Variants in PTTG1 observed in about 807,000 individuals in gnomAD.
PTTG1 encodes securin.
A neutral mutation model predicts 20.0 loss-of-function variants in PTTG1; 8 were observed. The observed-to-expected ratio is 0.40, with a 90% CI of 0.23 to 0.72. PTTG1 has a LOEUF of 0.72. Among genes scored for constraint, PTTG1 ranks in the 30% least tolerant of loss-of-function variants. PTTG1 has a pLI of 0.38. For missense variants in PTTG1, 197 were observed against 236.0 expected (o/e 0.83, Z 1.08); for synonymous variants, 79 against 87.2 (o/e 0.91, Z 0.52).
At chr5:160,423,723 G>A (rs1765759503) in intron 3 of PTTG1, among the ~76,000 whole-genome samples, 1 of 152,196 alleles carries the variant, frequency 6.6e-6, no homozygotes, top group African/African-American at 2.4e-5. Flanking sequence ...ATAGTAGACT[G>A]TAGTAGACCT....
intron 1 of PTTG1, 118 bp downstream of exon 1, chr5:160,422,009 T>G (rs977444380): frequency 2.4e-5 from 6 of 250,904 alleles, no homozygotes; most frequent in Admixed American, 2.0e-4. Context: ...TGCCCGGGGC[T>G]TAGATGGCTC....
At position 160,427,827 on chromosome 5, in the gene PTTG1, G is replaced by C; in HGVS notation, c.483G>C (p.Leu161=). ...EERELEKLFQ[L]GPPSPVKMPS... is the part of the protein sequence containing the mutation. ...GAGAGCTTGAAAAGCTGTTTCAGCT[G>C]GGCCCCCCTTCACCTGTGAAGATGC... Residue 161 remains leucine, a synonymous_variant, in exon 5 of 6, where the codon CTG becomes CTC. Coordinates refer to ENST00000352433, the MANE Select transcript of PTTG1 (RefSeq NM_004219.4). 1 of 1,614,148 alleles carries C rather than the reference G, an allele frequency of 6.2e-7. No homozygotes were observed. The highest frequency in any genetic ancestry group is 1.3e-5 in the African/African-American group (1 of 75,018).
At position 160,428,633 on chromosome 5, in the gene PTTG1, G is replaced by A. The variant is rs781361683; in HGVS notation, c.561G>A (p.Ser187=). The A allele has an allele frequency of 1.2e-5, 19 of 1,613,856 alleles. No individual in the cohort carries two copies. Among genetic ancestry groups the A allele is most frequent in the Admixed American group, 3.3e-5 (2 of 60,002 alleles). ...NLLQSPSSIL[S]TLDVELPPVC... ...TGCAGTCTCCTTCAAGCATTCTGTC[G>A]ACCCTGGATGTTGAATTGCCACCTG... The change falls in exon 6 of 6, where the codon TCG becomes TCA. Residue 187 remains serine, a synonymous_variant. Coordinates refer to ENST00000352433, the MANE Select transcript of PTTG1 (RefSeq NM_004219.4).
chr5:160,422,433 C>T, intron 2 of PTTG1, 30 bp downstream of exon 2: 1 of 1,580,994 alleles, frequency 6.3e-7, no homozygotes, highest in South Asian at 1.1e-5. Context: ...GTCGGATACA[C>T]TGGTATTGTG....
At chr5:160,424,126 A>G in intron 3 of PTTG1, 111 bp from the exon 4 acceptor site, 1 of 722,756 alleles carries the variant, frequency 1.4e-6, no homozygotes, top group Non-Finnish European at 2.3e-6. Flanking sequence ...CAATTATGAA[A>G]ACTAAGGATT....
intron 4 of PTTG1, chr5:160,424,882 A>G (rs1049696352): frequency 2.6e-5 from 4 of 152,300 alleles, no homozygotes; most frequent in Non-Finnish European, 5.9e-5. Context: ...ACACTGTTTA[A>G]CAAGATGGGC....
intron 4 of PTTG1, among the ~76,000 whole-genome samples, chr5:160,425,991 A>AAAAAT (rs1218828704): frequency 1.3e-5 from 2 of 152,344 alleles, no homozygotes; most frequent in South Asian, 2.1e-4. Flanking sequence ...ATCACTTTTT[A>AAAAAT]AAAATAATTG....
intron 4 of PTTG1, among the ~76,000 whole-genome samples, chr5:160,426,469 CT>C (rs1160384854): frequency 1.2e-4 from 19 of 152,258 alleles, no homozygotes; most frequent in Non-Finnish European, 1.5e-5. Context: ...GTGGCTGTTT[CT>C]GAATATAAAA....
At chr5:160,426,794 A>G (rs998151843) in intron 4 of PTTG1, among the ~76,000 whole-genome samples, 4 of 152,222 alleles carry the variant, frequency 2.6e-5, no homozygotes, top group Non-Finnish European at 2.9e-5. Flanking sequence ...CTGTAATCCC[A>G]GCACTTTGGG....
rs1299883799 is a variant in PTTG1 at position 160,422,288 on chromosome 5, T to C, written c.-11-14T>C. On this transcript the variant is annotated splice_polypyrimidine_tract_variant and intron_variant, in intron 1 of 5. Transcript: ENST00000352433. ...CACCTTCCCCAATATCTAATATGTA[T>C]TTCTCATTCTTAGAATAATCCAGAA... 1 of 1,578,804 alleles carries C rather than the reference T, an allele frequency of 6.3e-7. No individual in the cohort carries two copies. Among genetic ancestry groups the C allele is most frequent in the African/African-American group, 1.3e-5 (1 of 74,172 alleles).
chr5:160,424,179 C>G, intron 3 of PTTG1, 58 bp from the exon 4 acceptor site: 2 of 1,271,374 alleles, frequency 1.6e-6, no homozygotes, highest in Non-Finnish European at 2.2e-6. Context: ...AATTTAAAAA[C>G]TAATCAGCTA....
chr5:160,422,461 G>C, intron 2 of PTTG1, 58 bp downstream of exon 2: 2 of 1,463,206 alleles, frequency 1.4e-6, no homozygotes. Flanking sequence ...CCTGGAGCTG[G>C]ACGAGACATT....
rs1197583171 is a variant in PTTG1 at position 160,428,666 on chromosome 5, T to G, written c.594T>G (p.Cys198Trp). The G allele has an allele frequency of 3.7e-6, 6 of 1,613,294 alleles. No homozygotes were observed. In the African/African-American group the frequency reaches 8.0e-5, roughly 22 times the overall value. Residue 198 changes from cysteine to tryptophan, a missense_variant, in exon 6 of 6, where the codon TGT becomes TGG. Cys to Trp is a radical substitution (Grantham distance 215). Coordinates refer to ENST00000352433, the MANE Select transcript of PTTG1 (RefSeq NM_004219.4). ...TLDVELPPVC[C>W]DIDI is the part of the protein sequence containing the mutation. The stretch of plus-strand genomic sequence containing the variant: ...ATGTTGAATTGCCACCTGTTTGCTG[T>G]GACATAGATATTTAAATTTCTTAGT...
intron 2 of PTTG1, 52 bp downstream of exon 2, chr5:160,422,455 G>C (rs758246405): frequency 6.8e-7 from 1 of 1,480,264 alleles, no homozygotes; most frequent in Non-Finnish European, 9.4e-7. Flanking sequence ...ACGTGGCCTG[G>C]AGCTGGACGA....
intron 5 of PTTG1, 113 bp from the exon 6 acceptor site, chr5:160,428,489 T>C (rs1428983256): frequency 2.1e-6 from 2 of 932,280 alleles, no homozygotes; most frequent in South Asian, 1.4e-5. Flanking sequence ...TGCAGGTGAT[T>C]GATTTGACAA....
chr5:160,423,140 T>C, intron 3 of PTTG1: 1 of 487,424 alleles, frequency 2.1e-6, no homozygotes, highest in South Asian at 2.2e-5. Flanking sequence ...TGTCCTTCAC[T>C]AGTGTCGTGA....
Position 160,427,051 on chromosome 5 carries a change from A to T in PTTG1, c.371-664A>T, listed in dbSNP as rs76998513. ...AGTGAGACTCTGTCTCAAAAAAAAA[A>T]TATTCATTTTTTAATTTTTGACAAA... On this transcript the variant is annotated intron_variant, in intron 4 of 5. Transcript: ENST00000352433. 1.9e-3 allele frequency among the ~76,000 whole-genome samples: 287 copies of T among 152,194 alleles called. 1 individual carries two copies. Among genetic ancestry groups the T allele is most frequent in the Middle Eastern group, 3.4e-3 (1 of 294 alleles).
chr5:160,427,648 C>A (rs1765832403), intron 4 of PTTG1, 67 bp from the exon 5 acceptor site: 1 of 1,543,756 alleles, frequency 6.5e-7, no homozygotes, highest in Non-Finnish European at 8.8e-7. Context: ...GGGTCTCAGA[C>A]CACAAGGGAT....
intron 5 of PTTG1, 106 bp from the exon 6 acceptor site, chr5:160,428,496 A>T (rs1280526624): frequency 6.9e-6 from 7 of 1,018,418 alleles, no homozygotes; most frequent in Non-Finnish European, 1.1e-5. Flanking sequence ...GATTGATTTG[A>T]CAAAGGGAAA....
Sources: allele counts gnomAD v4.1 joint callset (sites outside exome capture counted in the v4.1 genomes callset), GRCh38; gene constraint gnomAD v4.1.1; transcripts MANE v1.5; gene names NCBI Gene and HGNC (gene_info 2026-07-23, HGNC 2026-07-21).